Variants in CTNNAL1 observed in about 807,000 individuals in gnomAD.
CTNNAL1 encodes catenin alpha like 1.
In CTNNAL1, 69 loss-of-function variants were observed where a neutral mutation model predicts 93.6. The observed-to-expected ratio is 0.74, with a 90% CI of 0.61 to 0.90. The LOEUF (loss-of-function observed/expected upper bound fraction) is 0.90. Among genes scored for constraint, CTNNAL1 ranks in the 40% least tolerant of loss-of-function variants. The probability of loss-of-function intolerance (pLI) is 0.00; values close to 1 mark genes in which losing one functional copy is unlikely to be tolerated. For missense variants in CTNNAL1, 836 were observed against 862.0 expected, an observed-to-expected ratio of 0.97 and a Z score of 0.38; for synonymous variants, 286 against 305.4, an observed-to-expected ratio of 0.94 and a Z score of 0.66.
chr9:108,984,878 A>T (rs1831557509), intron 4 of CTNNAL1, among the ~76,000 whole-genome samples: 1 of 152,242 alleles, frequency 6.6e-6, no homozygotes, highest in Non-Finnish European at 1.5e-5. Flanking sequence ...AGCCTCGTCT[A>T]ATTAATCCCA....
chr9:108,960,466 C>G (rs549622790), intron 11 of CTNNAL1, among the ~76,000 whole-genome samples: 12 of 152,092 alleles, frequency 7.9e-5, no homozygotes, highest in Non-Finnish European at 1.6e-4. Flanking sequence ...TAGTGGCATC[C>G]AATCTGCCAA....
rs184673433 is a variant in CTNNAL1, at chr9:108,943,796, A to G, written c.1962T>C (p.Leu654=). Reference sequence around the variant, plus strand: ...GCTTGTTTATTTCCAGGAGAAGCATAAGCTTGTCATCGTCTTTCAGCTGAA... The same window carrying G: ...GCTTGTTTATTTCCAGGAGAAGCATGAGCTTGTCATCGTCTTTCAGCTGAA... The part of the protein sequence containing the change: ...FSKQLKDDDK[L]MLLLEINKLI... Residue 654 remains leucine, a synonymous_variant, in exon 17 of 19, where the codon CTT becomes CTC. Transcript: ENST00000325551. 68 of 1,613,662 alleles carry G rather than the reference A, an allele frequency of 4.2e-5. No homozygotes were observed. Among genetic ancestry groups the G allele is most frequent in the Non-Finnish European group, 5.2e-5 (61 of 1,179,844 alleles).
chr9:108,985,233 T>C (rs1831569962), intron 4 of CTNNAL1, among the ~76,000 whole-genome samples: 1 of 152,218 alleles, frequency 6.6e-6, no homozygotes, highest in Non-Finnish European at 1.5e-5. Context: ...CTGAGCTATA[T>C]GGTCTCCATC....
chr9:109,003,736 C>T (rs1826924710), intron 1 of CTNNAL1, among the ~76,000 whole-genome samples: 2 of 152,174 alleles, frequency 1.3e-5, no homozygotes. Context: ...TAAGGAACTA[C>T]TACATACAAG....
intron 11 of CTNNAL1, among the ~76,000 whole-genome samples, chr9:108,957,972 G>C (rs753253400): frequency 6.7e-6 from 1 of 149,340 alleles, no homozygotes; most frequent in Non-Finnish European, 1.5e-5. Context: ...ACAAAAATTA[G>C]CCAGGCGTAG....
intron 5 of CTNNAL1, 59 bp downstream of exon 5, chr9:108,984,288 C>A: frequency 1.2e-6 from 1 of 825,528 alleles, no homozygotes; most frequent in South Asian, 1.5e-5. Flanking sequence ...AAGTTAAATG[C>A]ATTTAGTCGG....
chr9:108,970,581 TACAA>T, intron 9 of CTNNAL1, 87 bp from the exon 10 acceptor site: 1 of 1,183,120 alleles, frequency 8.5e-7, no homozygotes, highest in Non-Finnish European at 1.1e-6. Context: ...AAGAAAATTT[TACAA>T]ATAAAATTTC....
At chr9:108,994,824 C>G (rs1230173170) in intron 2 of CTNNAL1, among the ~76,000 whole-genome samples, 1 of 152,230 alleles carries the variant, frequency 6.6e-6, no homozygotes, top group Non-Finnish European at 1.5e-5. Flanking sequence ...GGGTTGCTCT[C>G]TCTCTCTGAG....
chr9:108,980,901 C>A (rs1279482941), intron 6 of CTNNAL1, among the ~76,000 whole-genome samples: 9 of 152,028 alleles, frequency 5.9e-5, no homozygotes, highest in Admixed American at 5.9e-4. Context: ...AGGCTATTTA[C>A]TGATATGGTT....
At chr9:108,954,646 CTG>C (rs1311648700) in intron 12 of CTNNAL1, among the ~76,000 whole-genome samples, 1 of 152,170 alleles carries the variant, frequency 6.6e-6, no homozygotes, top group African/African-American at 2.4e-5. Context: ...GGCACAAAAA[CTG>C]TTTTTTTTAA....
chr9:108,947,402 C>T (rs1410617318), intron 15 of CTNNAL1, among the ~76,000 whole-genome samples: 7 of 152,044 alleles, frequency 4.6e-5, no homozygotes, highest in African/African-American at 1.4e-4. Flanking sequence ...CGTGAGCCAC[C>T]GCGCCTGGCC....
chr9:108,992,726 A>C lies in CTNNAL1; in HGVS notation c.425T>G (p.Ile142Arg). Reference sequence around the variant, plus strand: ...AGAAAGAAGTAATCTTGCAGCCTTTATCACTCCTGTTTTGTCTGTAAAAAT... The same window carrying C: ...AGAAAGAAGTAATCTTGCAGCCTTTCTCACTCCTGTTTTGTCTGTAAAAAT... ...ITIFTDKTGV[I>R]KAARLLLSSV... The change falls in exon 3 of 19, where the codon ATA becomes AGA. Residue 142 changes from isoleucine to arginine, a missense_variant. Coordinates refer to ENST00000325551, the MANE Select transcript of CTNNAL1 (RefSeq NM_003798.4). 1 of 1,614,040 alleles carries C rather than the reference A, an allele frequency of 6.2e-7. No homozygotes were observed. The highest frequency in any genetic ancestry group is 8.5e-7 in the Non-Finnish European group (1 of 1,179,958).
chr9:108,945,569 C>T (rs1239342460), intron 15 of CTNNAL1, among the ~76,000 whole-genome samples: 3 of 151,474 alleles, frequency 2.0e-5, no homozygotes, highest in Non-Finnish European at 4.4e-5. Context: ...TCAAGCGATC[C>T]TCCTGCCTCA....
At chr9:108,951,011 T>C (rs1830546596) in intron 14 of CTNNAL1, among the ~76,000 whole-genome samples, 1 of 152,022 alleles carries the variant, frequency 6.6e-6, no homozygotes, top group African/African-American at 2.4e-5. Flanking sequence ...GTGCTATTTA[T>C]TTATTTATTT....
chr9:108,997,425 T>C (rs1448761837), intron 2 of CTNNAL1, among the ~76,000 whole-genome samples: 3 of 152,132 alleles, frequency 2.0e-5, no homozygotes, highest in Non-Finnish European at 4.4e-5. Flanking sequence ...CTATCTAACA[T>C]AAAAGATCTG....
Position 108,972,779 on chromosome 9 carries a change from G to GATCA in CTNNAL1, c.1239_1242dup (p.His415Ter), listed in dbSNP as rs771715118. 7.2e-7 allele frequency: 1 copy of GATCA among 1,386,912 alleles called. No individual in the cohort carries two copies. The highest frequency in any genetic ancestry group is 9.6e-7 in the Non-Finnish European group (1 of 1,043,514). The allele number at this position is 1,386,912 out of a possible 1,614,324, so 85.9% of individuals were successfully genotyped here. ...AGTTTTAATGCTTTTAGAACCACATGATCAGCATGGTATTTTAATAGATCT... is the reference window on the plus strand; with the variant it reads ...AGTTTTAATGCTTTTAGAACCACATGATCAATCAGCATGGTATTTTAATAGATCT... On this transcript the variant is annotated stop_gained and frameshift_variant, in exon 9 of 19. Coordinates refer to ENST00000325551, the MANE Select transcript of CTNNAL1 (RefSeq NM_003798.4). LOFTEE classifies it high-confidence loss of function.
chr9:109,013,145 C>A (rs1209564054), intron 1 of CTNNAL1, among the ~76,000 whole-genome samples, 157 bp downstream of exon 1: 1 of 152,150 alleles, frequency 6.6e-6, no homozygotes, highest in Non-Finnish European at 1.5e-5. Context: ...GGCCGAGGCC[C>A]GTCCCGGAGC....
chr9:108,948,098 CAT>C, intron 15 of CTNNAL1, 86 bp downstream of exon 15: 10 of 1,408,428 alleles, frequency 7.1e-6, no homozygotes, highest in South Asian at 1.2e-5. Context: ...AGCATATACA[CAT>C]GATATAATAA....
chr9:108,990,919 A>G lies in CTNNAL1; in HGVS notation c.520-74T>C, dbSNP rs11795110. The stretch of plus-strand genomic sequence containing the variant: ...CTGAGATTGTCAAGGCTGAGTAGAG[A>G]GAAGAAAAGGAAAATTCTGAATTCT... On this transcript the variant is annotated intron_variant, in intron 3 of 18. Coordinates refer to ENST00000325551, the MANE Select transcript of CTNNAL1 (RefSeq NM_003798.4). 13,487 of 1,502,540 alleles carry G rather than the reference A, an allele frequency of 9.0e-3. 83 individuals are homozygous for G. The highest frequency in any genetic ancestry group is 0.011 in the Non-Finnish European group (12,152 of 1,126,254). The allele number at this position is 1,502,540 out of a possible 1,614,324, so 93.1% of individuals were successfully genotyped here.
Sources: gnomAD v4.1 joint callset for allele counts (sites outside exome capture counted in the v4.1 genomes callset) on GRCh38, gnomAD v4.1.1 for gene constraint, MANE v1.5 for transcripts, NCBI Gene and HGNC (gene_info 2026-07-23, HGNC 2026-07-21) for gene names.